Variants in PCDHGA10 observed in about 807,000 individuals in gnomAD.
PCDHGA10 encodes protocadherin gamma-A10.
In PCDHGA10, 42 loss-of-function variants were observed where a neutral mutation model predicts 59.5. The ratio of observed to expected loss-of-function variants is 0.71; its 90% CI spans 0.55 to 0.91. The LOEUF (loss-of-function observed/expected upper bound fraction) is 0.91. PCDHGA10 is among the 40% of genes least tolerant of loss of function. The pLI is 0.00. For missense variants in PCDHGA10, 1,111 were observed against 1,198.2 expected (o/e 0.93, Z 1.07); for synonymous variants, 511 against 517.2 (o/e 0.99, Z 0.16).
At chr5:141,419,533 C>T in intron 1 of PCDHGA10, 1 of 1,612,106 alleles carries the variant, frequency 6.2e-7, no homozygotes, top group Non-Finnish European at 8.5e-7. Context: ...GTAACGACAA[C>T]GCACCGCGGG....
chr5:141,486,901 T>A lies in PCDHGA10; in HGVS notation c.2437-7906T>A. The A allele has an allele frequency of 6.2e-7, 1 of 1,614,238 alleles. No homozygotes were observed. Among genetic ancestry groups the A allele is most frequent in the Non-Finnish European group, 8.5e-7 (1 of 1,180,042 alleles). ...CTCGGGCCCGGCCTGGTTCCTTATG[T>A]CCCCAAGCACTGCCTCCATCAGTTG... On this transcript the variant is annotated intron_variant, in intron 1 of 3. Transcript: ENST00000398610. This position sits in a 1 kb window ranked among gnomAD's most constrained non-coding sequence, Gnocchi z 5.0.
chr5:141,505,528 C>T (rs746609783), intron 3 of PCDHGA10, 47 bp downstream of exon 3: 4 of 1,612,320 alleles, frequency 2.5e-6, no homozygotes, highest in Non-Finnish European at 3.4e-6. Context: ...ACCTGGGGTT[C>T]TGGGGTGCAT....
At chr5:141,423,294 C>T (rs1222440954) in intron 1 of PCDHGA10, 22 of 1,614,036 alleles carry the variant, frequency 1.4e-5, no homozygotes, top group Admixed American at 1.3e-4. Flanking sequence ...AAACCTCAGA[C>T]CTCTCGCTGT....
intron 1 of PCDHGA10, chr5:141,478,160 GC>G (rs764598056): frequency 1.9e-6 from 3 of 1,613,964 alleles, no homozygotes; most frequent in Non-Finnish European, 2.5e-6. Flanking sequence ...CTCTGGCTCT[GC>G]CCCCCGGGAG....
chr5:141,415,198 G>T lies in PCDHGA10; in HGVS notation c.2023G>T (p.Val675Phe). The T allele has an allele frequency of 1.2e-6, 2 of 1,614,038 alleles. No individual in the cohort carries two copies. The highest frequency in any genetic ancestry group is 1.7e-6 in the Non-Finnish European group (2 of 1,180,032). ...TVAVADSIPQ[V>F]LADLGSFESP... ...GGCCGTGGCCGACAGCATCCCCCAA[G>T]TCCTGGCGGACCTCGGCAGCTTCGA... The change falls in exon 1 of 4, where the codon GTC (valine) becomes TTC (phenylalanine). Residue 675 changes from valine (V) to phenylalanine (F), a missense_variant. Physicochemically the swap from Val to Phe is conservative, Grantham distance 50. Coordinates refer to ENST00000398610, the MANE Select transcript of PCDHGA10 (RefSeq NM_018913.3).
At chr5:141,439,947 T>C (rs2098140958) in intron 1 of PCDHGA10, 1 of 152,516 alleles carries the variant, frequency 6.6e-6, no homozygotes, top group Non-Finnish European at 1.5e-5. Flanking sequence ...TTCTCTATGA[T>C]GCAGATCCGT....
In PCDHGA10 at chr5:141,430,746, G is replaced by A. The variant is rs369205374; in HGVS notation, c.2436+15135G>A. ...TAAGGGCAGAATTGAAAATAATTCTGGAGGAAGATAAGAATGATTCCTGCG... is the reference window on the plus strand; with the variant it reads ...TAAGGGCAGAATTGAAAATAATTCTAGAGGAAGATAAGAATGATTCCTGCG... On this transcript the variant is annotated intron_variant, in intron 1 of 3. Coordinates refer to ENST00000398610, the MANE Select transcript of PCDHGA10 (RefSeq NM_018913.3). 3.3e-5 allele frequency: 49 copies of A among 1,500,684 alleles called. No homozygotes were observed. The African/African-American group carries it at 6.3e-4, about 19-fold the overall frequency. The allele number at this position is 1,500,684 out of a possible 1,614,324, so 93.0% of individuals were successfully genotyped here.
intron 1 of PCDHGA10, among the ~76,000 whole-genome samples, chr5:141,438,641 C>T (rs1285585706): frequency 0.044 from 3,509 of 79,018 alleles, 123 homozygotes; most frequent in Non-Finnish European, 0.061. Flanking sequence ...TATATACACA[C>T]ACACACACAC....
chr5:141,415,828 G>T, intron 1 of PCDHGA10: 1 of 1,293,336 alleles, frequency 7.7e-7, no homozygotes, highest in East Asian at 2.8e-5. Flanking sequence ...ATAAGGCTTT[G>T]TTATGATTAG....
At position 141,415,302 on chromosome 5, in the gene PCDHGA10, G is replaced by A; in HGVS notation, c.2127G>A (p.Leu709=). ...VAVAAVSCVF[L]AFVIVLLAHR... ...TGGCCGCGGTCTCCTGCGTCTTCCT[G>A]GCCTTCGTCATCGTGCTGCTGGCGC... The change falls in exon 1 of 4, where the codon CTG becomes CTA. Residue 709 remains leucine (L), a synonymous_variant. Transcript: ENST00000398610. The A allele has an allele frequency of 1.9e-6, 3 of 1,614,212 alleles. No individual in the cohort carries two copies. The highest frequency in any genetic ancestry group is 2.2e-5 in the South Asian group (2 of 91,090).
intron 1 of PCDHGA10, chr5:141,430,849 G>A: frequency 6.3e-7 from 1 of 1,582,030 alleles, no homozygotes; most frequent in Non-Finnish European, 8.6e-7. Flanking sequence ...GATGCACCCA[G>A]ATACGCTATT....
intron 1 of PCDHGA10, among the ~76,000 whole-genome samples, chr5:141,481,193 A>G (rs749746998): frequency 1.3e-5 from 2 of 152,216 alleles, no homozygotes; most frequent in Admixed American, 6.5e-5. Context: ...GCCAGGCCCA[A>G]TTTTTTTAAA....
chr5:141,467,952 C>A (rs1341210155), intron 1 of PCDHGA10, among the ~76,000 whole-genome samples: 1 of 152,186 alleles, frequency 6.6e-6, no homozygotes, highest in Non-Finnish European at 1.5e-5. Flanking sequence ...AGCCACCACA[C>A]CCGGCTGCCA....
rs757785567 is a variant in PCDHGA10 at position 141,413,626 on chromosome 5, G to T, written c.451G>T (p.Ala151Ser). The change falls in exon 1 of 4, where the codon GCT (alanine) becomes TCT (serine). Residue 151 changes from alanine (A) to serine (S), a missense_variant. Coordinates refer to ENST00000398610, the MANE Select transcript of PCDHGA10 (RefSeq NM_018913.3). ...NLDVKINENV[A>S]AGMRFPLPEA... ...AGACGTAAAAATTAATGAAAATGTC[G>T]CTGCGGGAATGCGTTTTCCTCTCCC... is the stretch of plus-strand genomic sequence containing the variant. 24 of 1,613,680 alleles carry T rather than the reference G, an allele frequency of 1.5e-5. No individual in the cohort carries two copies. The highest frequency in any genetic ancestry group is 1.7e-5 in the Non-Finnish European group (20 of 1,179,898).
Position 141,459,075 on chromosome 5 carries a change from G to C in PCDHGA10, c.2437-35732G>C, listed in dbSNP as rs562572838. ...GTATAATTTATATAACATAAAATTT[G>C]CCTTTTAAAATTATACAGTGCAATG... On this transcript the variant is annotated intron_variant, in intron 1 of 3. Transcript: ENST00000398610. 4.6e-5 allele frequency among the ~76,000 whole-genome samples: 7 copies of C among 152,252 alleles called. No individual in the cohort carries two copies. The East Asian group carries it at 1.4e-3, about 29-fold the overall frequency.
rs746487145 is a variant in PCDHGA10 at position 141,505,415 on chromosome 5, G to A, written c.2518G>A (p.Gly840Ser). 7.4e-6 allele frequency: 12 copies of A among 1,614,074 alleles called. No individual in the cohort carries two copies. The East Asian group carries it at 1.3e-4, about 18-fold the overall frequency. Residue 840 changes from glycine to serine, a missense_variant, in exon 3 of 4, where the codon GGC (glycine) becomes AGC (serine). Gly to Ser is a moderately conservative substitution (Grantham distance 56, BLOSUM62 0). Coordinates refer to ENST00000398610, the MANE Select transcript of PCDHGA10 (RefSeq NM_018913.3). ...CAGCTCCCAAAATGGCGATGACACC[G>A]GCACCTGGCCCAACAACCAGTTTGA... ...TSGSQNGDDT[G>S]TWPNNQFDTE...
At position 141,420,872 on chromosome 5, in the gene PCDHGA10, G is replaced by A. The variant is rs575322685; in HGVS notation, c.2436+5261G>A. 3.3e-5 allele frequency among the ~76,000 whole-genome samples: 5 copies of A among 152,328 alleles called. No homozygotes were observed. The East Asian group carries it at 7.7e-4, about 24-fold the overall frequency. On this transcript the variant is annotated intron_variant, in intron 1 of 3. Coordinates refer to ENST00000398610, the MANE Select transcript of PCDHGA10 (RefSeq NM_018913.3). ...AAAGTTTTAACGTCACATAATGTAA[G>A]TATTGTGTATCATCGTTTTTAAGCT...
rs752401867 is a variant in PCDHGA10, at chr5:141,511,224, G to A, written c.*51G>A. On this transcript the variant is annotated 3_prime_UTR_variant, in exon 4 of 4. Transcript: ENST00000398610. ...GGGCGGCCTCTCCCCAACCAGCCCA[G>A]CTTCTCCTTACCTGCACCCAGGCCT... 1.2e-6 allele frequency: 2 copies of A among 1,603,276 alleles called. No homozygotes were observed.
chr5:141,494,656 C>CT, intron 1 of PCDHGA10, 151 bp from the exon 2 acceptor site: 1 of 1,478,476 alleles, frequency 6.8e-7, no homozygotes, highest in Non-Finnish European at 9.1e-7. Flanking sequence ...TGTATTTTGT[C>CT]TTTGGAGATG....
Sources: allele counts gnomAD v4.1 joint callset (sites outside exome capture counted in the v4.1 genomes callset), GRCh38; gene constraint gnomAD v4.1.1; non-coding constraint Gnocchi (gnomAD v3.1); transcripts MANE v1.5; gene names NCBI Gene and HGNC (gene_info 2026-07-23, HGNC 2026-07-21).